UVRAG: variants seen among roughly 807,000 people sequenced by gnomAD.
UVRAG encodes UV radiation resistance associated, also known as UV radiation resistance-associated gene protein.
In UVRAG, 19 loss-of-function variants were observed where a neutral mutation model predicts 78.0. The observed-to-expected ratio is 0.24, with a 90% CI of 0.17 to 0.36. The LOEUF is 0.36. UVRAG is among the 10% of genes least tolerant of loss of function. The pLI is 1.00. For missense variants in UVRAG, 740 were observed against 853.8 expected, an observed-to-expected ratio of 0.87 and a Z score of 1.66; for synonymous variants, 323 against 324.6, an observed-to-expected ratio of 1.00 and a Z score of 0.05.
Position 76,143,736 on chromosome 11 carries a change from T to C in UVRAG, c.*2323T>C, listed in dbSNP as rs1952762154. Among the ~76,000 whole-genome samples, 2 of 152,234 alleles carry C rather than the reference T, an allele frequency of 1.3e-5. No homozygotes were observed. The highest frequency in any genetic ancestry group is 4.1e-4 in the South Asian group (2 of 4,824). On this transcript the variant is annotated 3_prime_UTR_variant, in exon 15 of 15. Coordinates refer to ENST00000356136, the MANE Select transcript of UVRAG (RefSeq NM_003369.4). ...ATAACTGTTTGACGTTTTCCAAAGT[T>C]GTAGAGTTAGTATGGCCTCTGTTTA...
chr11:75,834,839 A>C (rs1203948948), intron 1 of UVRAG, among the ~76,000 whole-genome samples: 1 of 152,046 alleles, frequency 6.6e-6, no homozygotes, highest in South Asian at 2.1e-4. Context: ...CAAACCAACA[A>C]AAAAACCAAA....
intron 3 of UVRAG, among the ~76,000 whole-genome samples, chr11:75,870,926 A>G (rs936371026): frequency 6.6e-6 from 1 of 151,768 alleles, no homozygotes; most frequent in African/African-American, 2.4e-5. Flanking sequence ...CTGGAGTGCA[A>G]TGGCGCGATC....
intron 8 of UVRAG, among the ~76,000 whole-genome samples, chr11:75,993,540 A>G (rs749752313): frequency 1.2e-4 from 19 of 152,138 alleles, no homozygotes; most frequent in Non-Finnish European, 2.8e-4. Flanking sequence ...CTTCCCATTA[A>G]TGAATTCTGT....
intron 13 of UVRAG, among the ~76,000 whole-genome samples, chr11:76,072,039 A>G (rs868799014): frequency 2.6e-5 from 4 of 152,166 alleles, no homozygotes; most frequent in South Asian, 2.1e-4. Flanking sequence ...ACTCATCAAC[A>G]TAAGGATGGT....
At chr11:75,890,407 C>T (rs530102933) in intron 5 of UVRAG, among the ~76,000 whole-genome samples, 2 of 152,238 alleles carry the variant, frequency 1.3e-5, no homozygotes, top group South Asian at 4.1e-4. Flanking sequence ...TAGATAAAAT[C>T]ATTAGGACTT....
intron 13 of UVRAG, among the ~76,000 whole-genome samples, chr11:76,109,346 T>C (rs1448297910): frequency 6.6e-6 from 1 of 152,114 alleles, no homozygotes; most frequent in African/African-American, 2.4e-5. Flanking sequence ...AACCCTGGAG[T>C]AGGTTCTTAC....
intron 2 of UVRAG, among the ~76,000 whole-genome samples, chr11:75,861,447 G>A (rs1946420301): frequency 6.6e-6 from 1 of 152,188 alleles, no homozygotes; most frequent in South Asian, 2.1e-4. Flanking sequence ...GAAGGAAGAA[G>A]GTTGGAGCTT....
At chr11:75,988,081 A>G (rs1326062316) in intron 8 of UVRAG, among the ~76,000 whole-genome samples, 1 of 152,130 alleles carries the variant, frequency 6.6e-6, no homozygotes, top group Admixed American at 6.6e-5. Context: ...TCAATATGTG[A>G]ATTTTCATTT....
At chr11:75,835,814 C>T (rs767884194) in intron 1 of UVRAG, among the ~76,000 whole-genome samples, 1 of 152,084 alleles carries the variant, frequency 6.6e-6, no homozygotes, top group Non-Finnish European at 1.5e-5. Flanking sequence ...AACAAATAGG[C>T]CGGGCATGGT....
chr11:75,983,635 G>C (rs2135278035), intron 8 of UVRAG, 122 bp downstream of exon 8: 1 of 1,290,300 alleles, frequency 7.8e-7, no homozygotes, highest in African/African-American at 1.5e-5. Flanking sequence ...TTAATGACAG[G>C]GATATATTCT....
At chr11:75,920,218 G>T (rs1396399051) in intron 6 of UVRAG, among the ~76,000 whole-genome samples, 2 of 150,266 alleles carry the variant, frequency 1.3e-5, no homozygotes, top group Admixed American at 6.6e-5. Context: ...GTAGAGACGG[G>T]GTTTCACCAT....
chr11:75,826,889 AG>A (rs1484055630), intron 1 of UVRAG, among the ~76,000 whole-genome samples: 3 of 152,124 alleles, frequency 2.0e-5, no homozygotes, highest in African/African-American at 4.8e-5. Context: ...ACTCCAGTAT[AG>A]TGTGCTTATT....
intron 1 of UVRAG, among the ~76,000 whole-genome samples, chr11:75,822,635 T>G (rs1945418231): frequency 1.3e-5 from 2 of 151,288 alleles, no homozygotes; most frequent in South Asian, 4.2e-4. Flanking sequence ...CTCACGGAAC[T>G]CAAGAAAGCA....
chr11:75,877,425 G>A (rs1838508260), intron 3 of UVRAG, among the ~76,000 whole-genome samples: 2 of 151,826 alleles, frequency 1.3e-5, no homozygotes, highest in Admixed American at 1.3e-4. Context: ...AGTAGGGGCG[G>A]CCGGGCAGAG....
intron 12 of UVRAG, among the ~76,000 whole-genome samples, chr11:76,022,588 C>T (rs1439409362): frequency 1.3e-5 from 2 of 152,136 alleles, no homozygotes; most frequent in East Asian, 3.8e-4. Flanking sequence ...ATTAGTATGA[C>T]CACCCCAGCT....
At chr11:75,861,710 T>A (rs1360185605) in intron 2 of UVRAG, 36 bp from the exon 3 acceptor site, 1 of 1,516,190 alleles carries the variant, frequency 6.6e-7, no homozygotes, top group Non-Finnish European at 9.1e-7. Context: ...TTATTTTCTT[T>A]CATATCACTT....
intron 5 of UVRAG, among the ~76,000 whole-genome samples, chr11:75,901,636 C>T (rs1947502359): frequency 1.3e-5 from 2 of 152,216 alleles, no homozygotes; most frequent in Admixed American, 1.3e-4. Flanking sequence ...GTGTTTCCAT[C>T]ACTACTGATG....
intron 5 of UVRAG, among the ~76,000 whole-genome samples, chr11:75,902,906 G>A (rs149241299): frequency 7.7e-4 from 118 of 152,262 alleles, no homozygotes; most frequent in African/African-American, 2.6e-3. Context: ...TCTTGCTAAA[G>A]GATGCTTTCG....
chr11:75,880,299 G>C (rs1226288947), intron 4 of UVRAG, among the ~76,000 whole-genome samples: 1 of 152,210 alleles, frequency 6.6e-6, no homozygotes, highest in Non-Finnish European at 1.5e-5. Context: ...GGATTTGTGT[G>C]TGTGTTTAGG....
Sources: allele counts gnomAD v4.1 joint callset (sites outside exome capture counted in the v4.1 genomes callset), GRCh38; gene constraint gnomAD v4.1.1; transcripts MANE v1.5; gene names NCBI Gene and HGNC (gene_info 2026-07-23, HGNC 2026-07-21).